Variants in BTBD9 observed in about 807,000 individuals in gnomAD.
BTBD9 encodes the protein BTB/POZ domain-containing protein 9.
A neutral mutation model predicts 64.3 loss-of-function variants in BTBD9; 49 were observed. The observed-to-expected ratio is 0.76, with a 90% CI of 0.61 to 0.97. BTBD9 has a LOEUF of 0.97. Ranked by LOEUF, BTBD9 falls within the 50% of genes least tolerant of loss-of-function variation. BTBD9 has a pLI of 0.00. For synonymous variants in BTBD9, 260 were observed against 274.7 expected (o/e 0.95, Z 0.53); for missense variants, 598 against 762.1 (o/e 0.78, Z 2.53).
intron 6 of BTBD9, among the ~76,000 whole-genome samples, chr6:38,429,787 A>AAAAGCC (rs1768356942): frequency 6.6e-6 from 1 of 152,042 alleles, no homozygotes; most frequent in African/African-American, 2.4e-5. Context: ...TGCCAGGGAC[A>AAAAGCC]AAAGCCAAGC....
intron 6 of BTBD9, among the ~76,000 whole-genome samples, chr6:38,456,640 T>C (rs2127345487): frequency 6.6e-6 from 1 of 152,336 alleles, no homozygotes; most frequent in Admixed American, 6.5e-5. Context: ...ATGTGTTTGG[T>C]TGCCATCTGG....
chr6:38,636,165 G>C (rs1778519816), intron 1 of BTBD9, among the ~76,000 whole-genome samples: 1 of 152,166 alleles, frequency 6.6e-6, no homozygotes, highest in Non-Finnish European at 1.5e-5. Flanking sequence ...AGAAGCCTAG[G>C]CTTAGAGAAG....
intron 1 of BTBD9, among the ~76,000 whole-genome samples, chr6:38,602,671 C>G (rs186854601): frequency 1.3e-5 from 2 of 151,532 alleles, no homozygotes; most frequent in Non-Finnish European, 2.9e-5. Flanking sequence ...AGTTTGGCCA[C>G]AAAATTACAA....
chr6:38,212,593 A>G (rs1289811363), intron 9 of BTBD9, among the ~76,000 whole-genome samples: 5 of 146,792 alleles, frequency 3.4e-5, no homozygotes, highest in African/African-American at 1.3e-4. Context: ...TGGCAATGGC[A>G]GAGCCAGCCG....
At position 38,414,774 on chromosome 6, in the gene BTBD9, T is replaced by C. The variant is rs181715658; in HGVS notation, c.1155-69681A>G. Among the ~76,000 whole-genome samples the C allele has an allele frequency of 9.8e-5, 15 of 152,326 alleles. No homozygotes were observed. In the East Asian group the frequency reaches 2.9e-3, roughly 29 times the overall value. On this transcript the variant is annotated intron_variant, in intron 6 of 10. Coordinates refer to ENST00000481247, the MANE Select transcript of BTBD9 (RefSeq NM_001099272.2). ...TGTTCATCAGTATCCTTCTCCTTTA[T>C]GCATGGCCCTCTCCCTTTATGCTGT...
intron 6 of BTBD9, among the ~76,000 whole-genome samples, chr6:38,351,258 A>T (rs559560202): frequency 2.6e-5 from 4 of 152,316 alleles, no homozygotes; most frequent in African/African-American, 9.6e-5. Flanking sequence ...CACTACACAC[A>T]GGGCTAAGCA....
At chr6:38,279,694 G>A (rs186464380) in intron 8 of BTBD9, among the ~76,000 whole-genome samples, 8 of 152,176 alleles carry the variant, frequency 5.3e-5, no homozygotes, top group African/African-American at 1.2e-4. Flanking sequence ...CACTCATTTC[G>A]TTTTCCAAGG....
intron 6 of BTBD9, among the ~76,000 whole-genome samples, chr6:38,355,453 T>C (rs4714147): frequency 0.65 from 98,720 of 151,944 alleles, 32,891 homozygotes; most frequent in East Asian, 0.95. Context: ...CTTGAGAGTT[T>C]TACCATTCAT....
chr6:38,497,070 A>G (rs1309165106), intron 6 of BTBD9, among the ~76,000 whole-genome samples: 1 of 152,190 alleles, frequency 6.6e-6, no homozygotes, highest in Non-Finnish European at 1.5e-5. Context: ...GCCACAATAC[A>G]GAACTATGAC....
intron 6 of BTBD9, among the ~76,000 whole-genome samples, chr6:38,567,861 T>C (rs531588254): frequency 1.2e-4 from 18 of 152,310 alleles, no homozygotes; most frequent in African/African-American, 4.1e-4. Flanking sequence ...ATATAAAATT[T>C]TGTTTCCTAT....
chr6:38,453,857 GA>G lies in BTBD9; in HGVS notation c.1155-108765del, dbSNP rs920774110. 1.9e-4 allele frequency among the ~76,000 whole-genome samples: 29 copies of G among 152,264 alleles called. 1 individual carries two copies. The highest frequency in any genetic ancestry group is 7.0e-4 in the African/African-American group (29 of 41,562). On this transcript the variant is annotated intron_variant, in intron 6 of 10. Coordinates refer to ENST00000481247, the MANE Select transcript of BTBD9 (RefSeq NM_001099272.2). ...TTTGGAAGAAGACATTGGAAAAAGG[GA>G]TAAGTTTCAAATAGTGGGCGAATGT...
chr6:38,599,125 C>T (rs1777160990), intron 1 of BTBD9, among the ~76,000 whole-genome samples: 1 of 152,158 alleles, frequency 6.6e-6, no homozygotes, highest in African/African-American at 2.4e-5. Context: ...CATTTTGTCT[C>T]ATTTCCAGGC....
Position 38,288,338 on chromosome 6 carries a change from C to T in BTBD9, c.1388G>A (p.Cys463Tyr). Residue 463 changes from cysteine (C) to tyrosine (Y), a missense_variant, in exon 8 of 11, where the codon TGT becomes TAT. Physicochemically the swap from Cys to Tyr is radical, Grantham distance 194. Coordinates refer to ENST00000481247, the MANE Select transcript of BTBD9 (RefSeq NM_001099272.2). Reference protein sequence around the residue: ...KNYDWDSGYTCHQLGSGAIVV... With the variant: ...KNYDWDSGYTYHQLGSGAIVV... ...AATCGCACCACTTCCTAGCTGGTGA[C>T]ATGTGTAGCCAGAATCCCAGTCATA... is the stretch of plus-strand genomic sequence containing the variant. The T allele has an allele frequency of 6.2e-7, 1 of 1,614,172 alleles. No individual in the cohort carries two copies. Among genetic ancestry groups the T allele is most frequent in the Non-Finnish European group, 8.5e-7 (1 of 1,180,020 alleles).
chr6:38,222,532 T>C (rs1324537984), intron 9 of BTBD9, among the ~76,000 whole-genome samples: 1 of 152,096 alleles, frequency 6.6e-6, no homozygotes, highest in Non-Finnish European at 1.5e-5. Context: ...GTGCTAGGAT[T>C]ACAGGCATGA....
At position 38,184,791 on chromosome 6, in the gene BTBD9, T is replaced by C. The variant is rs1307156640; in HGVS notation, c.1641+7728A>G. The stretch of plus-strand genomic sequence containing the variant: ...TTCATTTTTTTCTTTAAGAGTCTGT[T>C]TCCCTGTTTTGTTTTTTTCCATTAG... On this transcript the variant is annotated intron_variant, in intron 10 of 10. Coordinates refer to ENST00000481247, the MANE Select transcript of BTBD9 (RefSeq NM_001099272.2). This position sits in a 1 kb window ranked among gnomAD's most constrained non-coding sequence, Gnocchi z 4.4. 1.3e-5 allele frequency among the ~76,000 whole-genome samples: 2 copies of C among 152,152 alleles called. No individual in the cohort carries two copies. The highest frequency in any genetic ancestry group is 2.9e-5 in the Non-Finnish European group (2 of 68,014).
intron 4 of BTBD9, among the ~76,000 whole-genome samples, chr6:38,581,188 G>A (rs376850664): frequency 1.1e-4 from 17 of 152,230 alleles, no homozygotes; most frequent in African/African-American, 2.4e-4. Flanking sequence ...GTAAATCTCC[G>A]TCTCAACAAC....
rs199713779 is a variant in BTBD9, at chr6:38,581,754, TG to T, written c.815-1318del. Among the ~76,000 whole-genome samples, 213 of 152,144 alleles carry T rather than the reference TG, an allele frequency of 1.4e-3. 1 individual carries two copies. The highest frequency in any genetic ancestry group is 4.7e-3 in the African/African-American group (195 of 41,528). On this transcript the variant is annotated intron_variant, in intron 4 of 10. Transcript: ENST00000481247. ...TCTCAACTTCCATTTCTCAATGGGG[TG>T]GGGGGGAGACCATATCTATCCCCCA... is the stretch of plus-strand genomic sequence containing the variant.
intron 6 of BTBD9, among the ~76,000 whole-genome samples, chr6:38,417,590 A>G (rs141355930): frequency 1.2e-4 from 19 of 152,256 alleles, no homozygotes; most frequent in Non-Finnish European, 2.8e-4. Context: ...CCTGGGCAGC[A>G]TAGCAAAACC....
chr6:38,634,597 G>A (rs927696949), intron 1 of BTBD9, among the ~76,000 whole-genome samples: 3 of 151,454 alleles, frequency 2.0e-5, no homozygotes, highest in African/African-American at 7.3e-5. Flanking sequence ...GGGGGGGAGA[G>A]GGCATCTAAC....
Sources: gnomAD v4.1 joint callset for allele counts (sites outside exome capture counted in the v4.1 genomes callset) on GRCh38, gnomAD v4.1.1 for gene constraint, Gnocchi (gnomAD v3.1) non-coding constraint, MANE v1.5 for transcripts, NCBI Gene and HGNC (gene_info 2026-07-23, HGNC 2026-07-21) for gene names.